The following IL36B variants were observed in gnomAD, a reference collection of about 807,000 sequenced individuals.
IL36B encodes interleukin 36 beta.
A neutral mutation model predicts 19.3 loss-of-function variants in IL36B; 23 were observed. The ratio of observed to expected loss-of-function variants is 1.19; its 90% CI spans 0.86 to 1.69. The LOEUF is 1.69. Ranked by LOEUF, IL36B falls within the 40% of genes most tolerant of loss-of-function variation. IL36B has a pLI of 0.00. For synonymous variants in IL36B, 59 were observed against 59.7 expected (o/e 0.99, Z 0.05); for missense variants, 217 against 200.5 (o/e 1.08, Z -0.50).
rs11884780 is a variant in IL36B at position 113,027,686 on chromosome 2, G to A, written c.261+1253C>T. 2,669 of 1,395,114 alleles carry A rather than the reference G, an allele frequency of 1.9e-3. 44 individuals carry two copies. The African/African-American group carries it at 0.035, about 18-fold the overall frequency. The allele number at this position is 1,395,114 out of a possible 1,614,324, so 86.4% of individuals were successfully genotyped here. On this transcript the variant is annotated intron_variant, in intron 4 of 5. Transcript: ENST00000259213. ...GTAAGATCAAGAAAGAATGGAAAGT[G>A]ATTTTTAGGTTTCATCTTGGGATAG... is the stretch of plus-strand genomic sequence containing the variant.
chr2:113,028,849 G>A (rs1189930642), intron 4 of IL36B, 90 bp downstream of exon 4: 3 of 1,374,632 alleles, frequency 2.2e-6, no homozygotes, highest in South Asian at 2.8e-5. Context: ...GTCCAGGGTT[G>A]CAAGCATATT....
intron 1 of IL36B, among the ~76,000 whole-genome samples, chr2:113,038,012 C>T (rs1285392774): frequency 3.3e-5 from 5 of 152,120 alleles, no homozygotes; most frequent in South Asian, 2.1e-4. Flanking sequence ...GAGTTTTTGA[C>T]GAGCATTTGA....
chr2:113,046,279 G>T (rs1051342572), intron 1 of IL36B, among the ~76,000 whole-genome samples: 1 of 147,014 alleles, frequency 6.8e-6, no homozygotes, highest in African/African-American at 2.6e-5. Flanking sequence ...GCACCATCTC[G>T]GCTTACTGCA....
chr2:113,050,298 T>C (rs1296216747), intron 1 of IL36B, among the ~76,000 whole-genome samples: 1 of 151,610 alleles, frequency 6.6e-6, no homozygotes, highest in Non-Finnish European at 1.5e-5. Context: ...TGCTACAACA[T>C]GGATGAATCT....
rs962780535 is a variant in IL36B, at chr2:113,035,502, GA to G, written c.-57-3737del. On this transcript the variant is annotated intron_variant, in intron 1 of 5. Coordinates refer to ENST00000259213, the MANE Select transcript of IL36B (RefSeq NM_014438.5). ...GCCCACCATCTTGAGAAGCTCTTCT[GA>G]AAAAAAAAATAATAATAGCAACAAG... Among the ~76,000 whole-genome samples, 6 of 148,102 alleles carry G rather than the reference GA, an allele frequency of 4.1e-5. No individual in the cohort carries two copies. The East Asian group carries it at 5.9e-4, about 15-fold the overall frequency.
At chr2:113,028,820 T>C in intron 4 of IL36B, 119 bp downstream of exon 4, 2 of 1,061,362 alleles carry the variant, frequency 1.9e-6, no homozygotes, top group Non-Finnish European at 2.7e-6. Context: ...AGGTCAGAAT[T>C]ATTTCCTTAC....
At position 113,037,764 on chromosome 2, in the gene IL36B, C is replaced by T. The variant is rs534322055; in HGVS notation, c.-57-5998G>A. 1.3e-4 allele frequency among the ~76,000 whole-genome samples: 19 copies of T among 151,792 alleles called. No homozygotes were observed. In the South Asian group the frequency reaches 3.7e-3, roughly 30 times the overall value. ...CCTTATGATTGTCCTTTAATATTTTCTGTCATTTTGTACACATGTAAGTAC... is the reference window on the plus strand; with the variant it reads ...CCTTATGATTGTCCTTTAATATTTTTTGTCATTTTGTACACATGTAAGTAC... On this transcript the variant is annotated intron_variant, in intron 1 of 5. Coordinates refer to ENST00000259213, the MANE Select transcript of IL36B (RefSeq NM_014438.5).
At chr2:113,034,520 G>T (rs1482749851) in intron 1 of IL36B, among the ~76,000 whole-genome samples, 2 of 152,102 alleles carry the variant, frequency 1.3e-5, no homozygotes, top group African/African-American at 4.8e-5. Flanking sequence ...CTACCAAAAT[G>T]CCAGTTCTGT....
At chr2:113,023,714 C>T (rs540901796) in intron 5 of IL36B, among the ~76,000 whole-genome samples, 109 of 152,296 alleles carry the variant, frequency 7.2e-4, no homozygotes, top group Non-Finnish European at 8.8e-4. Flanking sequence ...CCCAACCATA[C>T]GGCCTAGAGT....
At position 113,026,094 on chromosome 2, in the gene IL36B, G is replaced by C. The variant is rs13429363; in HGVS notation, c.391+9C>G. 0.013 allele frequency: 21,328 copies of C among 1,612,740 alleles called. 881 individuals carry two copies. The African/African-American group carries it at 0.14, about 11-fold the overall frequency. Reference sequence around the variant, plus strand: ...ACCTGTGGGATGGATAAGAGAATTTGCTCCTCACCCACTCCTATTCCCCAT... The same window carrying C: ...ACCTGTGGGATGGATAAGAGAATTTCCTCCTCACCCACTCCTATTCCCCAT... On this transcript the variant is annotated intron_variant, in intron 5 of 5. Coordinates refer to ENST00000259213, the MANE Select transcript of IL36B (RefSeq NM_014438.5).
intron 5 of IL36B, among the ~76,000 whole-genome samples, chr2:113,023,471 T>C (rs1684898203): frequency 6.6e-6 from 1 of 152,228 alleles, no homozygotes; most frequent in Non-Finnish European, 1.5e-5. Flanking sequence ...ACTAGAGCTG[T>C]AATCTGCAAA....
At chr2:113,036,458 CTT>C (rs1439597312) in intron 1 of IL36B, among the ~76,000 whole-genome samples, 2 of 150,066 alleles carry the variant, frequency 1.3e-5, no homozygotes, top group Non-Finnish European at 3.0e-5. Context: ...CATCTTTTCT[CTT>C]TTTGCTCAGA....
intron 1 of IL36B, among the ~76,000 whole-genome samples, chr2:113,041,100 C>T (rs1573374453): frequency 6.7e-6 from 1 of 149,964 alleles, no homozygotes; most frequent in Admixed American, 6.7e-5. Flanking sequence ...AGACTGCAGT[C>T]AGCCGAGATT....
At chr2:113,046,250 C>T (rs562404307) in intron 1 of IL36B, among the ~76,000 whole-genome samples, 4 of 148,686 alleles carry the variant, frequency 2.7e-5, no homozygotes, top group African/African-American at 1.0e-4. Context: ...GGCTCTGTCA[C>T]CCAGGCTGGA....
intron 1 of IL36B, among the ~76,000 whole-genome samples, chr2:113,048,191 T>A (rs1210137713): frequency 1.3e-5 from 2 of 152,178 alleles, no homozygotes; most frequent in Non-Finnish European, 2.9e-5. Context: ...TACTAATCAC[T>A]TGAATCACTT....
At chr2:113,045,472 C>T (rs547985653) in intron 1 of IL36B, among the ~76,000 whole-genome samples, 6 of 152,102 alleles carry the variant, frequency 3.9e-5, no homozygotes, top group African/African-American at 7.2e-5. Flanking sequence ...TTCATGTGCA[C>T]GGGGTCATCA....
chr2:113,052,057 C>A (rs1044336061), intron 1 of IL36B, among the ~76,000 whole-genome samples: 2 of 151,646 alleles, frequency 1.3e-5, no homozygotes, highest in Non-Finnish European at 2.9e-5. Flanking sequence ...TCAAGTGATT[C>A]TCGTGCCTCA....
chr2:113,051,195 A>G (rs6725997), intron 1 of IL36B, among the ~76,000 whole-genome samples: 86,987 of 152,148 alleles, frequency 0.57, 25,680 homozygotes, highest in African/African-American at 0.72. Flanking sequence ...AATGGAGCTC[A>G]GCCAGTGCCT....
rs1474986314 is a variant in IL36B at position 113,022,134 on chromosome 2, A to T, written c.*540T>A. Reference sequence around the variant, plus strand: ...TATTTTACCAGTGTAAGATTATAGAATTTTTAAGAAGAAATGTCTTTCAAT... The same window carrying T: ...TATTTTACCAGTGTAAGATTATAGATTTTTTAAGAAGAAATGTCTTTCAAT... On this transcript the variant is annotated 3_prime_UTR_variant, in exon 6 of 6. Coordinates refer to ENST00000259213, the MANE Select transcript of IL36B (RefSeq NM_014438.5). 6.6e-6 allele frequency: 1 copy of T among 152,268 alleles called. No individual in the cohort carries two copies. Among genetic ancestry groups the T allele is most frequent in the Non-Finnish European group, 1.5e-5 (1 of 68,060 alleles). The allele number at this position is 152,268 out of a possible 1,614,324, so 9.4% of individuals were successfully genotyped here.
Sources: gnomAD v4.1 joint callset for allele counts (sites outside exome capture counted in the v4.1 genomes callset) on GRCh38, gnomAD v4.1.1 for gene constraint, MANE v1.5 for transcripts, NCBI Gene and HGNC (gene_info 2026-07-23, HGNC 2026-07-21) for gene names.